Variants in MYO9B observed in about 807,000 individuals in gnomAD.
The protein encoded by MYO9B is unconventional myosin-IXb.
MYO9B carries 71 observed loss-of-function variants against 229.5 expected under a neutral mutation model. That is an observed-to-expected ratio of 0.31 (90% confidence interval 0.26 to 0.38). The LOEUF (loss-of-function observed/expected upper bound fraction) is 0.38, where lower values mean the gene tolerates loss of function less well. Among genes scored for constraint, MYO9B ranks in the 10% least tolerant of loss-of-function variants. The pLI is 1.00. For missense variants in MYO9B, 2,255 were observed against 2,920.5 expected, an observed-to-expected ratio of 0.77 and a Z score of 5.25; for synonymous variants, 1,185 against 1,235.8, an observed-to-expected ratio of 0.96 and a Z score of 0.86.
At position 17,179,580 on chromosome 19, in the gene MYO9B, C is replaced by T. The variant is rs2072832686; in HGVS notation, c.2220-1347C>T. On this transcript the variant is annotated intron_variant, in intron 14 of 39. Coordinates refer to ENST00000682292, the MANE Select transcript of MYO9B (RefSeq NM_004145.4). The stretch of plus-strand genomic sequence containing the variant: ...TGACTGGGACTACAGGCATGCGCCA[C>T]CATGCCCAGCTAATTTTTGTGTGTT... 2.0e-5 allele frequency among the ~76,000 whole-genome samples: 3 copies of T among 151,626 alleles called. No homozygotes were observed. The South Asian group carries it at 6.3e-4, about 32-fold the overall frequency.
chr19:17,170,115 T>G (rs1414554472), intron 11 of MYO9B, among the ~76,000 whole-genome samples: 1 of 151,862 alleles, frequency 6.6e-6, no homozygotes, highest in East Asian at 1.9e-4. Context: ...CAGGCTAGTC[T>G]TGAACTCCTG....
At chr19:17,158,416 G>A (rs2145297084) in intron 7 of MYO9B, among the ~76,000 whole-genome samples, 1 of 152,168 alleles carries the variant, frequency 6.6e-6, no homozygotes, top group South Asian at 2.1e-4. Flanking sequence ...CCAATATGGA[G>A]AAACCCCATC....
intron 14 of MYO9B, chr19:17,178,454 A>G (rs1323255765): frequency 6.6e-6 from 1 of 151,528 alleles, no homozygotes; most frequent in East Asian, 1.9e-4. Flanking sequence ...AAAAATAAAT[A>G]AAATGTCTGG....
At chr19:17,131,947 A>G (rs1291269916) in intron 2 of MYO9B, among the ~76,000 whole-genome samples, 1 of 151,914 alleles carries the variant, frequency 6.6e-6, no homozygotes, top group African/African-American at 2.4e-5. Flanking sequence ...TGGCACAATC[A>G]TGGCTCACTG....
chr19:17,201,238 AAAT>A (rs1213266945), intron 26 of MYO9B, among the ~76,000 whole-genome samples: 2 of 151,990 alleles, frequency 1.3e-5, no homozygotes, highest in Non-Finnish European at 2.9e-5. Flanking sequence ...GGCTCAAAAA[AAAT>A]AATAATGCAT....
chr19:17,093,473 C>A (rs926508659), intron 1 of MYO9B, among the ~76,000 whole-genome samples: 1 of 152,164 alleles, frequency 6.6e-6, no homozygotes, highest in African/African-American at 2.4e-5. Context: ...ACTCTCGTGG[C>A]GTCCTGGGAC....
Position 17,192,780 on chromosome 19 carries a change from A to T in MYO9B, c.2846A>T (p.Gln949Leu). The change falls in exon 21 of 40, where the codon CAG (glutamine) becomes CTG (leucine). Residue 949 changes from glutamine to leucine, a missense_variant. Coordinates refer to ENST00000682292, the MANE Select transcript of MYO9B (RefSeq NM_004145.4). Reference sequence around the variant, plus strand: ...AAGGAGACGGAGCGGCAAGCCCTGCAGGAGACGCTGCACCGGGAGGTGGTG... The same window carrying T: ...AAGGAGACGGAGCGGCAAGCCCTGCTGGAGACGCTGCACCGGGAGGTGGTG... ...FLKETERQAL[Q>L]ETLHREVVRK... is the part of the protein sequence containing the mutation. 6.4e-7 allele frequency: 1 copy of T among 1,558,746 alleles called. No homozygotes were observed. The highest frequency in any genetic ancestry group is 8.7e-7 in the Non-Finnish European group (1 of 1,151,952).
At chr19:17,141,104 A>G (rs1438864406) in intron 2 of MYO9B, among the ~76,000 whole-genome samples, 2 of 121,910 alleles carry the variant, frequency 1.6e-5, no homozygotes, top group African/African-American at 6.1e-5. Context: ...ACCCTGTCTC[A>G]GAAAAAAAAA....
At chr19:17,154,534 A>G in intron 6 of MYO9B, 119 bp downstream of exon 6, 6 of 693,878 alleles carry the variant, frequency 8.6e-6, no homozygotes, top group Non-Finnish European at 1.4e-5. Context: ...CAGTGTCCTG[A>G]ACAGTGCCGC....
Position 17,206,111 on chromosome 19 carries a change from C to T in MYO9B, c.5216C>T (p.Ala1739Val), listed in dbSNP as rs2073158212. Residue 1739 changes from alanine to valine, a missense_variant, in exon 32 of 40, where the codon GCT becomes GTT. Ala to Val is a moderately conservative substitution (Grantham distance 64). Around this residue, in one of 7 missense-constraint regions of MYO9B, gnomAD observed 416 missense variants for 605.5 expected, o/e 0.69. Transcript: ENST00000682292. ...GAGGGCCTCTACCGCAAGTCGGGTG[C>T]TGCCAACCGCACTCGGGAGCTCCGG... ...YTEGLYRKSGAANRTRELRQA... is the reference protein window; with the variant it reads ...YTEGLYRKSGVANRTRELRQA... 1 of 1,606,754 alleles carries T rather than the reference C, an allele frequency of 6.2e-7. No homozygotes were observed. Among genetic ancestry groups the T allele is most frequent in the Non-Finnish European group, 8.5e-7 (1 of 1,175,070 alleles).
chr19:17,198,328 G>A lies in MYO9B; in HGVS notation c.4238+20G>A. 2 of 1,612,362 alleles carry A rather than the reference G, an allele frequency of 1.2e-6. No homozygotes were observed. Among genetic ancestry groups the A allele is most frequent in the Non-Finnish European group, 1.7e-6 (2 of 1,178,886 alleles). ...CTCTAAGTAAGTATTGGGCTTGGGG[G>A]AAACTCAGGCCACCAGAGGATGCCC... On this transcript the variant is annotated intron_variant, in intron 24 of 39. Transcript: ENST00000682292.
At chr19:17,164,357 A>G (rs1040993543) in intron 10 of MYO9B, among the ~76,000 whole-genome samples, 41 of 151,464 alleles carry the variant, frequency 2.7e-4, no homozygotes, top group African/African-American at 1.0e-3. Flanking sequence ...TGCTTAGCTC[A>G]AGGACATTGA....
At chr19:17,110,009 G>T (rs1482299128) in intron 2 of MYO9B, among the ~76,000 whole-genome samples, 1 of 152,188 alleles carries the variant, frequency 6.6e-6, no homozygotes, top group Non-Finnish European at 1.5e-5. Flanking sequence ...CCCGGCCTGA[G>T]CCCCAGCCCC....
At chr19:17,191,000 C>A in intron 19 of MYO9B, 97 bp from the exon 20 acceptor site, 1 of 1,313,614 alleles carries the variant, frequency 7.6e-7, no homozygotes, top group Non-Finnish European at 1.0e-6. Flanking sequence ...TCCTGTCAAA[C>A]CCAGCTTCAC....
chr19:17,171,722 C>G (rs1599389362), intron 11 of MYO9B, among the ~76,000 whole-genome samples: 1 of 152,150 alleles, frequency 6.6e-6, no homozygotes, highest in South Asian at 2.1e-4. Context: ...GAGGCTGAGG[C>G]AGGAGGATCA....
intron 10 of MYO9B, among the ~76,000 whole-genome samples, chr19:17,166,488 G>A (rs2072660576): frequency 1.3e-5 from 2 of 151,698 alleles, no homozygotes; most frequent in African/African-American, 4.8e-5. Context: ...TTTTGTTACT[G>A]ATATATTTAT....
In MYO9B at chr19:17,081,275, G is replaced by C. The variant is rs940405087; in HGVS notation, c.-59+5401G>C. Among the ~76,000 whole-genome samples, 6 of 152,200 alleles carry C rather than the reference G, an allele frequency of 3.9e-5. No homozygotes were observed. The South Asian group carries it at 1.2e-3, about 32-fold the overall frequency. The stretch of plus-strand genomic sequence containing the variant: ...ACTCCTGACATCAGGTGATCAGCCC[G>C]CTCGGACTCCCAAAGTGCTGGGATA... On this transcript the variant is annotated intron_variant, in intron 1 of 39. Transcript: ENST00000682292.
At chr19:17,198,734 CA>C (rs59292415) in intron 24 of MYO9B, among the ~76,000 whole-genome samples, 1,490 of 41,220 alleles carry the variant, frequency 0.036, 5 homozygotes, top group African/African-American at 0.09. Flanking sequence ...GACTCCGTCT[CA>C]AAAAAAAAAA....
At position 17,212,480 on chromosome 19, in the gene MYO9B, C is replaced by A; in HGVS notation, c.*170C>A. ...AGTGCAGAGTCAAGGCAGGGAGAGG[C>A]CGGCTGGAGCCAGGCCCCCTCGCAC... On this transcript the variant is annotated 3_prime_UTR_variant, in exon 40 of 40. Transcript: ENST00000682292. The surrounding 1 kb of genome is among the most constrained non-coding windows in gnomAD (Gnocchi z 5.4). 4 of 779,370 alleles carry A rather than the reference C, an allele frequency of 5.1e-6. No homozygotes were observed. The highest frequency in any genetic ancestry group is 7.5e-6 in the Non-Finnish European group (4 of 532,318). The allele number at this position is 779,370 out of a possible 1,614,324, so 48.3% of individuals were successfully genotyped here. A position where few individuals can be genotyped will look rare whatever the true frequency, so the allele number is the denominator to read the frequency against.
Sources: gnomAD v4.1 joint callset for allele counts (sites outside exome capture counted in the v4.1 genomes callset) on GRCh38, gnomAD v4.1.1 for gene constraint, gnomAD v4.1.1 regional missense constraint, Gnocchi (gnomAD v3.1) non-coding constraint, MANE v1.5 for transcripts, NCBI Gene and HGNC (gene_info 2026-07-23, HGNC 2026-07-21) for gene names.